OTOF: variants seen among roughly 807,000 people sequenced by gnomAD.
OTOF encodes the protein fer-1-like family member 2.
Under a neutral mutation model 236.8 loss-of-function variants are expected in OTOF, and 218 were observed. The ratio of observed to expected loss-of-function variants is 0.92; its 90% confidence interval spans 0.82 to 1.03. The LOEUF (loss-of-function observed/expected upper bound fraction) is 1.03, where lower values mean the gene tolerates loss of function less well. OTOF is among the 50% of genes least tolerant of loss of function. The pLI is 0.00. For missense variants in OTOF, 2,590 were observed against 2,694.4 expected (o/e 0.96, Z 0.86); for synonymous variants, 1,041 against 1,072.5 (o/e 0.97, Z 0.57).
Position 26,527,931 on chromosome 2 carries a change from A to T in OTOF, c.139-11T>A. ...CGGCCACCGAAATGTCTGGGGAGAG[A>T]GGGACAACTGCGGCTTCGGTGGCAA... On this transcript the variant is annotated splice_polypyrimidine_tract_variant and intron_variant, in intron 2 of 46. Transcript: ENST00000272371. The T allele has an allele frequency of 6.2e-7, 1 of 1,607,796 alleles. No homozygotes were observed. The highest frequency in any genetic ancestry group is 8.5e-7 in the Non-Finnish European group (1 of 1,174,304).
chr2:26,476,588 TC>T (rs1665295327), intron 22 of OTOF, among the ~76,000 whole-genome samples: 1 of 23,052 alleles, frequency 4.3e-5, no homozygotes, highest in Non-Finnish European at 7.0e-5. Context: ...CCCCACCCCT[TC>T]CCTCACCCCT....
Position 26,459,907 on chromosome 2 carries a change from T to A in OTOF, c.*17+101A>T. On this transcript the variant is annotated intron_variant, in intron 46 of 46. Transcript: ENST00000272371. The stretch of plus-strand genomic sequence containing the variant: ...ATGCTTGTGTGTGTTTGTGTGCACA[T>A]GTATGCATATTTGTGTTTGTGGATG... 3 of 1,098,604 alleles carry A rather than the reference T, an allele frequency of 2.7e-6. No individual in the cohort carries two copies. In the South Asian group the frequency reaches 4.2e-5, roughly 15 times the overall value. 68.1% of individuals were successfully genotyped at this position (1,098,604 alleles called of 1,614,324 possible). A position where few individuals can be genotyped will look rare whatever the true frequency, so the allele number is the denominator to read the frequency against.
chr2:26,516,123 C>T (rs1024712250), intron 5 of OTOF, among the ~76,000 whole-genome samples: 2 of 152,216 alleles, frequency 1.3e-5, no homozygotes, highest in African/African-American at 2.4e-5. Context: ...CTGAGAAAGG[C>T]AGGAGATCTA....
intron 5 of OTOF, among the ~76,000 whole-genome samples, chr2:26,505,157 G>A (rs537001881): frequency 4.6e-5 from 7 of 152,222 alleles, no homozygotes; most frequent in East Asian, 1.9e-4. Context: ...GACAAAGCAC[G>A]TTCATATCCC....
intron 1 of OTOF, among the ~76,000 whole-genome samples, chr2:26,548,266 C>T (rs984634048): frequency 6.6e-6 from 1 of 151,826 alleles, no homozygotes; most frequent in Non-Finnish European, 1.5e-5. Context: ...TTTCTATTTC[C>T]TTCCTTTTAT....
At position 26,479,294 on chromosome 2, in the gene OTOF, G is replaced by A; in HGVS notation, c.2184C>T (p.Ala728=). 2.5e-6 allele frequency: 4 copies of A among 1,612,946 alleles called. No homozygotes were observed. In the South Asian group the frequency reaches 4.4e-5, roughly 18 times the overall value. ...WPDQRRRLYN[A]NIMDHIADKL... ...TGTCGGCAATGTGGTCCATGATGTTGGCATTGTAGAGGCGGCGGCGCTGGT... is the reference window on the plus strand; with the variant it reads ...TGTCGGCAATGTGGTCCATGATGTTAGCATTGTAGAGGCGGCGGCGCTGGT... The change falls in exon 18 of 47, where the codon GCC becomes GCT. Residue 728 remains alanine, a synonymous_variant. Coordinates refer to ENST00000272371, the MANE Select transcript of OTOF (RefSeq NM_194248.3).
intron 36 of OTOF, 64 bp from the exon 37 acceptor site, chr2:26,466,140 C>A (rs1572408790): frequency 6.2e-7 from 1 of 1,605,034 alleles, no homozygotes; most frequent in East Asian, 2.2e-5. Flanking sequence ...AGTGCCCCTG[C>A]CAGGCTGCCT....
chr2:26,544,284 A>G (rs1667278200), intron 1 of OTOF, among the ~76,000 whole-genome samples: 1 of 152,222 alleles, frequency 6.6e-6, no homozygotes, highest in Non-Finnish European at 1.5e-5. Flanking sequence ...CCGCCACACA[A>G]TCAAGACATA....
At chr2:26,534,081 G>A (rs1430971934) in intron 2 of OTOF, among the ~76,000 whole-genome samples, 2 of 152,156 alleles carry the variant, frequency 1.3e-5, no homozygotes, top group Non-Finnish European at 2.9e-5. Context: ...ATGACCATAG[G>A]TCCTGGAATC....
intron 1 of OTOF, among the ~76,000 whole-genome samples, chr2:26,549,687 G>A (rs1373022800): frequency 6.6e-6 from 1 of 152,196 alleles, no homozygotes; most frequent in East Asian, 1.9e-4. Flanking sequence ...TTAGGCTTGG[G>A]TCAGGGATTC....
intron 3 of OTOF, among the ~76,000 whole-genome samples, chr2:26,524,335 C>G (rs1666749908): frequency 6.6e-6 from 1 of 152,108 alleles, no homozygotes; most frequent in African/African-American, 2.4e-5. Context: ...TGGGGAAAAC[C>G]CTGTCTCTAC....
In OTOF at chr2:26,537,762, T is replaced by C. The variant is rs1158246186; in HGVS notation, c.92A>G (p.Tyr31Cys). The C allele has an allele frequency of 6.4e-7, 1 of 1,553,340 alleles. No individual in the cohort carries two copies. Among genetic ancestry groups the C allele is most frequent in the African/African-American group, 1.4e-5 (1 of 72,850 alleles). ...CTCACAGTTCTCCAGGACCCGAGAG[T>C]AGAAGGATTGCCCTGTGGGGAAAGA... is the stretch of plus-strand genomic sequence containing the variant. ...AKVTFRGQSF[Y>C]SRVLENCEDV... Residue 31 changes from tyrosine (Y) to cysteine (C), a missense_variant, in exon 2 of 47, where the codon TAC (tyrosine) becomes TGC (cysteine). Around this residue, in one of 2 missense-constraint regions of OTOF, gnomAD observed 1,379 missense variants for 1,341.6 expected, o/e 1.03. Coordinates refer to ENST00000272371, the MANE Select transcript of OTOF (RefSeq NM_194248.3).
At chr2:26,471,506 G>A (rs1664973479) in intron 30 of OTOF, among the ~76,000 whole-genome samples, 1 of 152,174 alleles carries the variant, frequency 6.6e-6, no homozygotes, top group Non-Finnish European at 1.5e-5. Context: ...AAAGCCAGGA[G>A]GAATAAGGAG....
intron 4 of OTOF, among the ~76,000 whole-genome samples, chr2:26,518,273 G>C (rs1262733760): frequency 6.6e-6 from 1 of 152,254 alleles, no homozygotes; most frequent in African/African-American, 2.4e-5. Context: ...AGTACTTTCT[G>C]TGTATTGTCC....
intron 2 of OTOF, among the ~76,000 whole-genome samples, chr2:26,536,026 C>T (rs765417987): frequency 6.6e-4 from 100 of 152,262 alleles, no homozygotes; most frequent in Non-Finnish European, 1.0e-3. Flanking sequence ...AGATGCTGTG[C>T]CTGGTGGATT....
chr2:26,516,495 C>T lies in OTOF; in HGVS notation c.432G>A (p.Lys144=). The part of the protein sequence containing the change: ...LGDESLQEEE[K]DSQETDGLLP... ...GCAGTCCATCCGTCTCTTGGCTGTC[C>T]TTCTCTTCCTCTTGAAGAGACTCAT... Residue 144 remains lysine, a synonymous_variant, in exon 5 of 47, where the codon AAG becomes AAA. Transcript: ENST00000272371. 1 of 1,613,848 alleles carries T rather than the reference C, an allele frequency of 6.2e-7. No individual in the cohort carries two copies. The highest frequency in any genetic ancestry group is 8.5e-7 in the Non-Finnish European group (1 of 1,180,000).
intron 1 of OTOF, among the ~76,000 whole-genome samples, chr2:26,541,741 A>G (rs1381626171): frequency 6.6e-6 from 1 of 152,236 alleles, no homozygotes; most frequent in Non-Finnish European, 1.5e-5. Context: ...AATGGCTTTC[A>G]GATAAAACCA....
Position 26,470,670 on chromosome 2 carries a change from G to T in OTOF, c.3946C>A (p.Pro1316Thr). 1 of 1,614,006 alleles carries T rather than the reference G, an allele frequency of 6.2e-7. No homozygotes were observed. Among genetic ancestry groups the T allele is most frequent in the South Asian group, 1.1e-5 (1 of 91,084 alleles). ...KKKKKGTAEE[P>T]EEEEPDESML... ...CTCTCGTCTGGCTCCTCCTCCTCTG[G>T]CTCCTCCGCAGTGCCCTTCTTCTTC... Residue 1316 changes from proline to threonine, a missense_variant, in exon 32 of 47, where the codon CCA becomes ACA. Around this residue, in one of 2 missense-constraint regions of OTOF, gnomAD observed 1,211 missense variants for 1,352.8 expected, o/e 0.90. Coordinates refer to ENST00000272371, the MANE Select transcript of OTOF (RefSeq NM_194248.3). The surrounding 1 kb of genome is among the most constrained non-coding windows in gnomAD (Gnocchi z 4.3).
rs780891944 is a variant in OTOF, at chr2:26,479,453, G to A, written c.2093+20C>T. 1.2e-5 allele frequency: 19 copies of A among 1,604,148 alleles called. No homozygotes were observed. The highest frequency in any genetic ancestry group is 2.2e-5 in the South Asian group (2 of 89,732). On this transcript the variant is annotated intron_variant, in intron 17 of 46. Coordinates refer to ENST00000272371, the MANE Select transcript of OTOF (RefSeq NM_194248.3). ...GAGGTGGGAGGGCCAGGCCACAGGA[G>A]GATGGGAGGCTGGGCCCACCTGTCG...
Sources: allele counts gnomAD v4.1 joint callset (sites outside exome capture counted in the v4.1 genomes callset), GRCh38; gene constraint gnomAD v4.1.1; regional missense constraint gnomAD v4.1.1; non-coding constraint Gnocchi (gnomAD v3.1); transcripts MANE v1.5; gene names NCBI Gene and HGNC (gene_info 2026-07-23, HGNC 2026-07-21).